Variants in RAPGEF1 observed in about 807,000 individuals in gnomAD.
RAPGEF1 encodes CRK SH3-binding GNRP.
A neutral mutation model predicts 143.3 loss-of-function variants in RAPGEF1; 33 were observed. The observed-to-expected ratio is 0.23, with a 90% CI of 0.17 to 0.31. The LOEUF is 0.31. RAPGEF1 is among the 10% of genes least tolerant of loss of function. The probability of loss-of-function intolerance (pLI) is 1.00; values close to 1 mark genes in which losing one functional copy is unlikely to be tolerated. For synonymous variants in RAPGEF1, 629 were observed against 676.5 expected (o/e 0.93, Z 1.09); for missense variants, 1,199 against 1,645.4 (o/e 0.73, Z 4.69).
At chr9:131,626,827 G>A (rs1047497349) in intron 9 of RAPGEF1, among the ~76,000 whole-genome samples, 2 of 152,164 alleles carry the variant, frequency 1.3e-5, no homozygotes, top group Non-Finnish European at 2.9e-5. Context: ...TGAGGGCCAC[G>A]CGGTGGCTCA....
intron 1 of RAPGEF1, among the ~76,000 whole-genome samples, chr9:131,716,356 T>C (rs1835863289): frequency 1.3e-5 from 2 of 152,376 alleles, no homozygotes; most frequent in African/African-American, 4.8e-5. Context: ...TGTTTACTTG[T>C]TGTTCTTTAC....
At chr9:131,714,709 T>A (rs11243483) in intron 1 of RAPGEF1, among the ~76,000 whole-genome samples, 182 of 30,384 alleles carry the variant, frequency 6.0e-3, no homozygotes, top group Non-Finnish European at 0.011. Context: ...CTCTGCCTTT[T>A]TTTTTTTTTT....
chr9:131,679,263 T>C (rs1832713752), intron 1 of RAPGEF1, among the ~76,000 whole-genome samples: 1 of 152,170 alleles, frequency 6.6e-6, no homozygotes, highest in Non-Finnish European at 1.5e-5. Flanking sequence ...AAGACAAGCC[T>C]AAGGGGCCAG....
chr9:131,615,925 T>G (rs1198669362), intron 12 of RAPGEF1, among the ~76,000 whole-genome samples: 1 of 152,166 alleles, frequency 6.6e-6, no homozygotes, highest in Admixed American at 6.5e-5. Context: ...TGTGAACTTG[T>G]ATGTTACATA....
intron 1 of RAPGEF1, among the ~76,000 whole-genome samples, chr9:131,722,002 A>G (rs1836301959): frequency 6.6e-6 from 1 of 152,174 alleles, no homozygotes; most frequent in Non-Finnish European, 1.5e-5. Flanking sequence ...TTTTGAAATC[A>G]AGGTGCGTTT....
At chr9:131,672,800 T>C (rs4740177) in intron 1 of RAPGEF1, among the ~76,000 whole-genome samples, 131,593 of 152,180 alleles carry the variant, frequency 0.86, 57,103 homozygotes, top group African/African-American at 0.93. Context: ...CTGGAAAAGG[T>C]CCGTGTAGGG....
At chr9:131,681,772 A>G (rs1832930812) in intron 1 of RAPGEF1, among the ~76,000 whole-genome samples, 1 of 152,132 alleles carries the variant, frequency 6.6e-6, no homozygotes, top group Non-Finnish European at 1.5e-5. Flanking sequence ...AGCTTAGAGG[A>G]GTGTGCATTA....
intron 1 of RAPGEF1, among the ~76,000 whole-genome samples, chr9:131,681,386 T>G (rs1162984271): frequency 6.6e-6 from 1 of 152,190 alleles, no homozygotes; most frequent in Non-Finnish European, 1.5e-5. Flanking sequence ...GGCAGTTCCC[T>G]GTTAGAATAC....
At chr9:131,606,815 G>A (rs1479223178) in intron 12 of RAPGEF1, among the ~76,000 whole-genome samples, 2 of 152,008 alleles carry the variant, frequency 1.3e-5, no homozygotes, top group Non-Finnish European at 2.9e-5. Context: ...TGTAGAAACG[G>A]GGTCTTTCTA....
chr9:131,621,867 A>G lies in RAPGEF1; in HGVS notation c.1834T>C (p.Ser612Pro), dbSNP rs1340635093. ...TGCACGGAGTCCACCCCACTGAAGG[A>G]GTCGCTGAAGCCGTATACCTCCATG... ...LLMEVYGFSD[S>P]FSGVDSVQEL... Residue 612 changes from serine to proline, a missense_variant, in exon 11 of 27, where the codon TCC (serine) becomes CCC (proline). Coordinates refer to ENST00000683357, the MANE Select transcript of RAPGEF1 (RefSeq NM_001377935.1). This position sits in a 1 kb window ranked among gnomAD's most constrained non-coding sequence, Gnocchi z 4.5. 4.3e-6 allele frequency: 7 copies of G among 1,612,476 alleles called. No homozygotes were observed. The highest frequency in any genetic ancestry group is 5.9e-6 in the Non-Finnish European group (7 of 1,179,336).
rs1955714032 is a variant in RAPGEF1, at chr9:131,598,626, T to C, written c.2502-316A>G. ...GCCAAGGCCCACCGCACAGTTAGCA[T>C]TTAGGGAGAGGAGGAGCTAAGGGGC... On this transcript the variant is annotated intron_variant, in intron 15 of 26. Transcript: ENST00000683357. The C allele has an allele frequency of 8.1e-6, 4 of 492,750 alleles. No individual in the cohort carries two copies. The Admixed American group carries it at 9.2e-5, about 11-fold the overall frequency. 30.5% of individuals were successfully genotyped at this position (492,750 alleles called of 1,614,324 possible).
At chr9:131,706,868 T>C (rs550112173) in intron 1 of RAPGEF1, among the ~76,000 whole-genome samples, 1 of 152,368 alleles carries the variant, frequency 6.6e-6, no homozygotes, top group African/African-American at 2.4e-5. Context: ...TCTGTTCTCT[T>C]CTTTAATCTC....
At chr9:131,699,270 G>C (rs1834447180) in intron 1 of RAPGEF1, among the ~76,000 whole-genome samples, 1 of 138,432 alleles carries the variant, frequency 7.2e-6, no homozygotes, top group South Asian at 2.2e-4. Flanking sequence ...CTGAGGTGCA[G>C]TTTTGCTCTT....
chr9:131,580,035 T>G (rs1451224473), intron 26 of RAPGEF1, among the ~76,000 whole-genome samples: 1 of 152,194 alleles, frequency 6.6e-6, no homozygotes. Context: ...GGACGAGCTG[T>G]GCTGTCACGG....
chr9:131,647,898 GTATTGTA>G (rs1214464499), intron 3 of RAPGEF1, among the ~76,000 whole-genome samples: 17 of 152,324 alleles, frequency 1.1e-4, no homozygotes, highest in African/African-American at 3.8e-4. Context: ...GCTGTCCTGT[GTATTGTA>G]GGATGTTTAG....
At chr9:131,727,292 T>C (rs1343814586) in intron 1 of RAPGEF1, among the ~76,000 whole-genome samples, 2 of 152,154 alleles carry the variant, frequency 1.3e-5, no homozygotes, top group Non-Finnish European at 2.9e-5. Context: ...TCACTTATCA[T>C]ATAGTAGTGG....
At chr9:131,664,554 C>A (rs1830122822) in intron 1 of RAPGEF1, among the ~76,000 whole-genome samples, 1 of 151,946 alleles carries the variant, frequency 6.6e-6, no homozygotes, top group South Asian at 2.1e-4. Flanking sequence ...AGCTCCCTTC[C>A]ACAACAGTGA....
chr9:131,719,901 T>G (rs74946795), intron 1 of RAPGEF1, among the ~76,000 whole-genome samples: 1 of 151,008 alleles, frequency 6.6e-6, no homozygotes, highest in Admixed American at 6.6e-5. Context: ...TTTTTTTTTT[T>G]TGAGACAAGA....
intron 1 of RAPGEF1, among the ~76,000 whole-genome samples, chr9:131,678,388 T>A (rs1216902904): frequency 6.6e-6 from 1 of 152,236 alleles, no homozygotes; most frequent in African/African-American, 2.4e-5. Flanking sequence ...GGTCTTCAAC[T>A]TTGCTTTTAC....
Sources: allele counts gnomAD v4.1 joint callset (sites outside exome capture counted in the v4.1 genomes callset), GRCh38; gene constraint gnomAD v4.1.1; non-coding constraint Gnocchi (gnomAD v3.1); transcripts MANE v1.5; gene names NCBI Gene and HGNC (gene_info 2026-07-23, HGNC 2026-07-21).